The following FRMD3 variants were observed in gnomAD, a reference collection of about 807,000 sequenced individuals.
FRMD3 encodes the protein FERM domain-containing protein 3.
Under a neutral mutation model 70.2 loss-of-function variants are expected in FRMD3, and 33 were observed. The observed-to-expected ratio is 0.47, with a 90% confidence interval of 0.36 to 0.63. The LOEUF (loss-of-function observed/expected upper bound fraction) is 0.63, where lower values mean the gene tolerates loss of function less well. Ranked by LOEUF, FRMD3 falls within the 20% of genes least tolerant of loss-of-function variation. The pLI is 0.00. For synonymous variants in FRMD3, 279 were observed against 255.9 expected (o/e 1.09, Z -0.86); for missense variants, 632 against 711.4 (o/e 0.89, Z 1.27).
intron 1 of FRMD3, among the ~76,000 whole-genome samples, chr9:83,425,614 C>G (rs1392751990): frequency 6.6e-6 from 1 of 151,980 alleles, no homozygotes. Flanking sequence ...TTTAGAAAGA[C>G]CTTCCTATGG....
At chr9:83,552,818 T>C in the FRMD3 span, among the ~76,000 whole-genome samples, 45 of 152,294 alleles carry the variant, frequency 3.0e-4, no homozygotes, top group Admixed American at 1.2e-3. Flanking sequence ...TGTTTTCCAT[T>C]TGCTCCGTAG....
intron 2 of FRMD3, among the ~76,000 whole-genome samples, chr9:83,386,856 A>G (rs1043433916): frequency 1.3e-5 from 2 of 152,150 alleles, no homozygotes. Flanking sequence ...ATTTTGGAGA[A>G]TGTTCCTCAC....
At chr9:83,507,064 T>C (rs1033276323) in intron 1 of FRMD3, among the ~76,000 whole-genome samples, 1 of 152,158 alleles carries the variant, frequency 6.6e-6, no homozygotes, top group African/African-American at 2.4e-5. Flanking sequence ...TCATCTCCTA[T>C]GATAACAATA....
chr9:83,296,845 T>C (rs748069126), intron 12 of FRMD3, among the ~76,000 whole-genome samples: 105 of 152,176 alleles, frequency 6.9e-4, no homozygotes, highest in Non-Finnish European at 2.6e-4. Context: ...CCACCACCTG[T>C]TACCAAGAGC....
At chr9:83,346,002 C>T (rs1262003533) in intron 4 of FRMD3, among the ~76,000 whole-genome samples, 4 of 151,912 alleles carry the variant, frequency 2.6e-5, no homozygotes, top group Non-Finnish European at 5.9e-5. Flanking sequence ...CACGTCTGTA[C>T]TCCCAGCATT....
intron 1 of FRMD3, among the ~76,000 whole-genome samples, chr9:83,415,256 A>T (rs1826397618): frequency 6.6e-6 from 1 of 152,136 alleles, no homozygotes. Flanking sequence ...CTCTTATTCA[A>T]TGCCATCCAT....
chr9:83,583,297 A>G, the FRMD3 span, among the ~76,000 whole-genome samples: 1 of 152,274 alleles, frequency 6.6e-6, no homozygotes, highest in Admixed American at 6.5e-5. Flanking sequence ...CGCTACTCAC[A>G]CTTGATTCCC....
chr9:83,292,577 A>C (rs1370230093), intron 12 of FRMD3, among the ~76,000 whole-genome samples: 1 of 152,218 alleles, frequency 6.6e-6, no homozygotes, highest in Non-Finnish European at 1.5e-5. Context: ...CACTATTTTA[A>C]AATTCTAGTT....
intron 6 of FRMD3, among the ~76,000 whole-genome samples, chr9:83,325,830 T>C (rs1835991763): frequency 6.6e-6 from 1 of 152,202 alleles, no homozygotes; most frequent in Non-Finnish European, 1.5e-5. Context: ...GAATGGGTTT[T>C]ACATTCTTAC....
chr9:83,452,197 C>T (rs908148238), intron 1 of FRMD3, among the ~76,000 whole-genome samples: 1 of 152,160 alleles, frequency 6.6e-6, no homozygotes, highest in Non-Finnish European at 1.5e-5. Flanking sequence ...TATGTACACA[C>T]TATTGATATC....
At chr9:83,322,232 C>T (rs72743063) in intron 6 of FRMD3, among the ~76,000 whole-genome samples, 25,465 of 151,974 alleles carry the variant, frequency 0.17, 2,139 homozygotes, top group South Asian at 0.24. Context: ...AGCCTGGCTT[C>T]CCTGTTCCTC....
At chr9:83,252,631 G>A (rs1434942232) in intron 13 of FRMD3, among the ~76,000 whole-genome samples, 3 of 152,080 alleles carry the variant, frequency 2.0e-5, no homozygotes, top group South Asian at 2.1e-4. Flanking sequence ...CCCATCTCAC[G>A]TGCAAAGACA....
At chr9:83,476,466 G>A (rs944183673) in intron 1 of FRMD3, among the ~76,000 whole-genome samples, 3 of 152,098 alleles carry the variant, frequency 2.0e-5, no homozygotes, top group African/African-American at 4.8e-5. Flanking sequence ...TATTGAAGAA[G>A]TGCTGGTTTA....
At chr9:83,356,180 G>A (rs751091956) in intron 3 of FRMD3, among the ~76,000 whole-genome samples, 1 of 151,802 alleles carries the variant, frequency 6.6e-6, no homozygotes, top group Non-Finnish European at 1.5e-5. Flanking sequence ...AAGGGAAAAA[G>A]GGACTTTCTT....
chr9:83,508,515 C>A (rs191263322), intron 1 of FRMD3, among the ~76,000 whole-genome samples: 27 of 152,264 alleles, frequency 1.8e-4, no homozygotes, highest in Non-Finnish European at 3.4e-4. Context: ...TACAAACTCC[C>A]ACAGAATTGG....
chr9:83,359,353 C>A (rs1351074199), intron 3 of FRMD3, among the ~76,000 whole-genome samples: 1 of 152,148 alleles, frequency 6.6e-6, no homozygotes, highest in East Asian at 1.9e-4. Context: ...TGAAAAGAGA[C>A]TTTGGGGTCC....
At chr9:83,267,740 CTTTT>C (rs1563983762) in intron 13 of FRMD3, among the ~76,000 whole-genome samples, 2 of 152,126 alleles carry the variant, frequency 1.3e-5, no homozygotes, top group African/African-American at 4.8e-5. Flanking sequence ...TTAATCAACT[CTTTT>C]ATTAATAAAG....
intron 13 of FRMD3, among the ~76,000 whole-genome samples, chr9:83,289,328 A>G (rs1180415059): frequency 6.6e-6 from 1 of 152,220 alleles, no homozygotes; most frequent in Non-Finnish European, 1.5e-5. Flanking sequence ...GCCATTTATA[A>G]CAAGAGTGTT....
rs1243263998 is a variant in FRMD3 at position 83,399,124 on chromosome 9, C to T, written c.148-9416G>A. ...TCAAAAGGGTCCTAAGGAAGAAAGA[C>T]AAAGAAATAGTGCATCCAGGAGAAG... On this transcript the variant is annotated intron_variant, in intron 1 of 13. Transcript: ENST00000304195. Among the ~76,000 whole-genome samples the T allele has an allele frequency of 2.0e-5, 3 of 152,136 alleles. No individual in the cohort carries two copies. The East Asian group carries it at 5.8e-4, about 29-fold the overall frequency.
Sources: allele counts gnomAD v4.1 joint callset (sites outside exome capture counted in the v4.1 genomes callset), GRCh38; gene constraint gnomAD v4.1.1; transcripts MANE v1.5; gene names NCBI Gene and HGNC (gene_info 2026-07-23, HGNC 2026-07-21).